Variants in MAML3 observed in about 807,000 individuals in gnomAD.
The protein encoded by MAML3 is mastermind-like protein 3.
Under a neutral mutation model 101.9 loss-of-function variants are expected in MAML3, and 27 were observed. That is an observed-to-expected ratio of 0.27 (90% CI 0.20 to 0.37). The LOEUF (loss-of-function observed/expected upper bound fraction) is 0.37. Among genes scored for constraint, MAML3 ranks in the 10% least tolerant of loss-of-function variants. MAML3 has a pLI of 1.00. For synonymous variants in MAML3, 501 were observed against 555.9 expected (o/e 0.90, Z 1.39); for missense variants, 1,316 against 1,444.9 (o/e 0.91, Z 1.45).
intron 1 of MAML3, among the ~76,000 whole-genome samples, chr4:140,011,392 C>T (rs1247147305): frequency 2.2e-5 from 3 of 134,068 alleles, no homozygotes; most frequent in African/African-American, 5.2e-5. Flanking sequence ...GGCCGGACTG[C>T]GGACTGCAGT....
At chr4:139,926,435 C>T (rs1176134016) in intron 1 of MAML3, among the ~76,000 whole-genome samples, 1 of 152,114 alleles carries the variant, frequency 6.6e-6, no homozygotes, top group Non-Finnish European at 1.5e-5. Context: ...CCTCTCTCTA[C>T]TAAAAATACA....
Position 139,890,025 on chromosome 4 carries a change from T to C in MAML3, c.1411A>G (p.Met471Val). 3.1e-6 allele frequency: 5 copies of C among 1,608,806 alleles called. No homozygotes were observed. Among genetic ancestry groups the C allele is most frequent in the Non-Finnish European group, 4.2e-6 (5 of 1,177,200 alleles). ...GCCCTTTGTTGCTGCTGTGCAGCCA[T>C]CTGTTTGAGCTGTTCTGCTGGAGAC... ...DMSPAEQLKQ[M>V]AAQQQQRAKL... Residue 471 changes from methionine to valine, a missense_variant, in exon 2 of 5, where the codon ATG becomes GTG. Physicochemically the swap from Met to Val is conservative, Grantham distance 21. Coordinates refer to ENST00000509479, the MANE Select transcript of MAML3 (RefSeq NM_018717.5). This position sits in a 1 kb window ranked among gnomAD's most constrained non-coding sequence, Gnocchi z 4.1.
At chr4:140,042,999 G>A (rs979775945) in intron 1 of MAML3, among the ~76,000 whole-genome samples, 16 of 151,870 alleles carry the variant, frequency 1.1e-4, no homozygotes, top group African/African-American at 3.4e-4. Flanking sequence ...CCCAAGCCAG[G>A]AACAAGGACC....
chr4:140,027,551 T>G (rs1163720057), intron 1 of MAML3, among the ~76,000 whole-genome samples: 13 of 152,234 alleles, frequency 8.5e-5, no homozygotes, highest in Non-Finnish European at 4.4e-5. Flanking sequence ...CCCTTCAAGT[T>G]GCCCTCTGCC....
intron 3 of MAML3, among the ~76,000 whole-genome samples, chr4:139,727,839 C>CA (rs1436873282): frequency 6.6e-6 from 1 of 152,266 alleles, no homozygotes; most frequent in East Asian, 1.9e-4. Flanking sequence ...AATCTGTTTC[C>CA]AAAATCCAAA....
At chr4:140,083,959 CACACACACAGAG>C (rs1475392620) in intron 1 of MAML3, among the ~76,000 whole-genome samples, 4 of 29,126 alleles carry the variant, frequency 1.4e-4, no homozygotes, top group African/African-American at 3.1e-4. Flanking sequence ...CACACACACA[CACACACACAGAG>C]AGAGAGAGAG....
chr4:139,902,263 G>GCGCGCA (rs1182551411), intron 1 of MAML3, among the ~76,000 whole-genome samples: 9 of 63,858 alleles, frequency 1.4e-4, no homozygotes, highest in Admixed American at 3.1e-4. Context: ...GCACACACAC[G>GCGCGCA]CACACACACA....
intron 2 of MAML3, among the ~76,000 whole-genome samples, chr4:139,845,744 T>C (rs185005039): frequency 3.3e-5 from 5 of 152,228 alleles, no homozygotes; most frequent in Non-Finnish European, 5.9e-5. Flanking sequence ...TGGTATAGAA[T>C]AGTTTCATTG....
Position 139,890,840 on chromosome 4 carries a change from C to A in MAML3, c.596G>T (p.Gly199Val). ...SKRIRKDISA[G>V]MEAINNLPSN... Reference sequence around the variant, plus strand: ...GGGCAAATTGTTGATGGCTTCCATCCCCGCAGAAATGTCCTTTCGAATTCG... The same window carrying A: ...GGGCAAATTGTTGATGGCTTCCATCACCGCAGAAATGTCCTTTCGAATTCG... The change falls in exon 2 of 5, where the codon GGG becomes GTG. Residue 199 changes from glycine to valine, a missense_variant. Physicochemically the swap from Gly to Val is moderately radical, Grantham distance 109. Coordinates refer to ENST00000509479, the MANE Select transcript of MAML3 (RefSeq NM_018717.5). The surrounding 1 kb of genome is among the most constrained non-coding windows in gnomAD (Gnocchi z 4.1). 1.9e-6 allele frequency: 3 copies of A among 1,613,952 alleles called. No individual in the cohort carries two copies. Among genetic ancestry groups the A allele is most frequent in the Non-Finnish European group, 2.5e-6 (3 of 1,179,876 alleles).
chr4:139,725,495 C>T (rs1039419120), intron 4 of MAML3, among the ~76,000 whole-genome samples: 1 of 152,162 alleles, frequency 6.6e-6, no homozygotes, highest in African/African-American at 2.4e-5. Flanking sequence ...GTCCCAACTC[C>T]GACAGCTACC....
At position 140,152,873 on chromosome 4, in the gene MAML3, T is replaced by C. The variant is rs1420587872; in HGVS notation, c.455A>G (p.His152Arg). The C allele has an allele frequency of 6.2e-7, 1 of 1,608,298 alleles. No individual in the cohort carries two copies. Among genetic ancestry groups the C allele is most frequent in the Admixed American group, 1.7e-5 (1 of 59,810 alleles). The change falls in exon 1 of 5, where the codon CAC (histidine) becomes CGC (arginine). Residue 152 changes from histidine (H) to arginine (R), a missense_variant. His to Arg is a conservative substitution (Grantham distance 29). Coordinates refer to ENST00000509479, the MANE Select transcript of MAML3 (RefSeq NM_018717.5). ...AEAASAEQRNHTLIMLQETVK... is the reference protein window; with the variant it reads ...AEAASAEQRNRTLIMLQETVK... ...GTGCGCCCTCACCATGATCAGCGTG[T>C]GGTTCCTCTGCTCCGCCGAGGCAGC...
intron 1 of MAML3, among the ~76,000 whole-genome samples, chr4:140,105,319 T>G (rs1181811818): frequency 6.6e-6 from 1 of 152,204 alleles, no homozygotes; most frequent in Non-Finnish European, 1.5e-5. Context: ...GATACCAGAT[T>G]TACCCAGCGG....
chr4:140,053,529 C>T (rs1727303863), intron 1 of MAML3, among the ~76,000 whole-genome samples: 1 of 152,198 alleles, frequency 6.6e-6, no homozygotes, highest in Non-Finnish European at 1.5e-5. Flanking sequence ...ATCTAAAGAA[C>T]TTCACCACAA....
rs866876462 is a variant in MAML3, at chr4:140,122,691, C to A, written c.468+30169G>T. The stretch of plus-strand genomic sequence containing the variant: ...CCTGTAGTCCCAGCTACTTGGGAGG[C>A]TGCGGCAGGAGAATGGCGTGAACCC... On this transcript the variant is annotated intron_variant, in intron 1 of 4. Coordinates refer to ENST00000509479, the MANE Select transcript of MAML3 (RefSeq NM_018717.5). Among the ~76,000 whole-genome samples the A allele has an allele frequency of 3.4e-5, 5 of 148,352 alleles. No homozygotes were observed. The South Asian group carries it at 6.5e-4, about 19-fold the overall frequency.
chr4:140,141,630 G>A (rs1449500304), intron 1 of MAML3, among the ~76,000 whole-genome samples: 16 of 152,218 alleles, frequency 1.1e-4, no homozygotes, highest in Non-Finnish European at 7.3e-5. Context: ...GGACCTGGTT[G>A]AGCAGGTTCC....
At chr4:140,052,458 C>CG (rs1366153746) in intron 1 of MAML3, among the ~76,000 whole-genome samples, 1 of 152,002 alleles carries the variant, frequency 6.6e-6, no homozygotes, top group African/African-American at 2.4e-5. Context: ...ACCTAGACCC[C>CG]GTGTAGGAAT....
At chr4:140,039,187 G>A (rs1440825382) in intron 1 of MAML3, among the ~76,000 whole-genome samples, 1 of 152,150 alleles carries the variant, frequency 6.6e-6, no homozygotes, top group Non-Finnish European at 1.5e-5. Flanking sequence ...ACTTTCTTGG[G>A]ATGAAGACTG....
intron 2 of MAML3, among the ~76,000 whole-genome samples, chr4:139,863,297 T>A (rs1214267495): frequency 6.6e-6 from 1 of 151,992 alleles, no homozygotes; most frequent in Non-Finnish European, 1.5e-5. Context: ...ATTTGTTTGT[T>A]GTGAGATTTC....
intron 1 of MAML3, among the ~76,000 whole-genome samples, chr4:140,024,433 T>G (rs1183319416): frequency 1.3e-5 from 2 of 152,150 alleles, no homozygotes; most frequent in Non-Finnish European, 2.9e-5. Flanking sequence ...CTCACTTTGT[T>G]GCCCAGACTG....
Sources: gnomAD v4.1 joint callset for allele counts (sites outside exome capture counted in the v4.1 genomes callset) on GRCh38, gnomAD v4.1.1 for gene constraint, Gnocchi (gnomAD v3.1) non-coding constraint, MANE v1.5 for transcripts, NCBI Gene and HGNC (gene_info 2026-07-23, HGNC 2026-07-21) for gene names.